The following TENM4 variants were observed in gnomAD, a reference collection of about 807,000 sequenced individuals.
TENM4 encodes teneurin transmembrane protein 4.
TENM4 carries 82 observed loss-of-function variants against 243.3 expected under a neutral mutation model. The ratio of observed to expected loss-of-function variants is 0.34; its 90% CI spans 0.28 to 0.40. TENM4 has a LOEUF of 0.40. Ranked by LOEUF, TENM4 falls within the 10% of genes least tolerant of loss-of-function variation. The probability of loss-of-function intolerance (pLI) is 1.00; values close to 1 mark genes in which losing one functional copy is unlikely to be tolerated. For synonymous variants in TENM4, 1,412 were observed against 1,456.3 expected (o/e 0.97, Z 0.69); for missense variants, 3,138 against 3,673.3 (o/e 0.85, Z 3.77).
At chr11:78,713,661 T>C (rs561339472) in intron 25 of TENM4, among the ~76,000 whole-genome samples, 1 of 152,338 alleles carries the variant, frequency 6.6e-6, no homozygotes, top group Admixed American at 6.5e-5. Flanking sequence ...CTTGCTAGTA[T>C]ATTGGGGAAA....
Position 78,787,135 on chromosome 11 carries a change from G to A in TENM4, c.2180-52C>T, listed in dbSNP as rs1216208905. On this transcript the variant is annotated intron_variant, in intron 15 of 33. Coordinates refer to ENST00000278550, the MANE Select transcript of TENM4 (RefSeq NM_001098816.3). ...GACACCAGGGCCAGGATGGGAGGCAGTGGCCAGAGGGGCAGGGGAGAGAGG... is the reference window on the plus strand; with the variant it reads ...GACACCAGGGCCAGGATGGGAGGCAATGGCCAGAGGGGCAGGGGAGAGAGG... The A allele has an allele frequency of 4.7e-6, 7 of 1,495,328 alleles. No homozygotes were observed. The African/African-American group carries it at 5.6e-5, about 12-fold the overall frequency. The allele number at this position is 1,495,328 out of a possible 1,614,324, so 92.6% of individuals were successfully genotyped here. A position where few individuals can be genotyped will look rare whatever the true frequency, so the allele number is the denominator to read the frequency against.
chr11:79,418,055 C>T (rs1382814932), intron 1 of TENM4, among the ~76,000 whole-genome samples: 1 of 152,154 alleles, frequency 6.6e-6, no homozygotes, highest in African/African-American at 2.4e-5. Context: ...GATTGTCTGT[C>T]TCCTCGCACT....
At chr11:78,663,093 G>C (rs927252017) in intron 32 of TENM4, among the ~76,000 whole-genome samples, 4 of 152,198 alleles carry the variant, frequency 2.6e-5, no homozygotes, top group Non-Finnish European at 5.9e-5. Flanking sequence ...CAGATGGCAG[G>C]GGGAGGTGAA....
At chr11:78,719,464 G>A (rs1385580326) in intron 25 of TENM4, among the ~76,000 whole-genome samples, 1 of 152,138 alleles carries the variant, frequency 6.6e-6, no homozygotes, top group Non-Finnish European at 1.5e-5. Flanking sequence ...TACTTCAATT[G>A]AAAGAGATAG....
intron 1 of TENM4, among the ~76,000 whole-genome samples, chr11:79,420,901 T>C (rs562087463): frequency 2.6e-5 from 4 of 152,282 alleles, no homozygotes; most frequent in African/African-American, 7.2e-5. Context: ...GGGATGATAC[T>C]TCAACTTCCA....
intron 27 of TENM4, among the ~76,000 whole-genome samples, chr11:78,703,822 G>T (rs1262179879): frequency 6.6e-6 from 1 of 151,876 alleles, no homozygotes; most frequent in Non-Finnish European, 1.5e-5. Context: ...GTGCGCTTAA[G>T]CAAGTGTATA....
Position 78,661,574 on chromosome 11 carries a change from G to A in TENM4, c.7426C>T (p.Leu2476Phe). 1 of 1,613,378 alleles carries A rather than the reference G, an allele frequency of 6.2e-7. No individual in the cohort carries two copies. The highest frequency in any genetic ancestry group is 1.6e-4 in the Middle Eastern group (1 of 6,062). ...TTGTGTAGCTGGAATCCAAAGGTGA[G>A]CAGCCAGCTGTTAACATCTGGATGG... ...CFMTDVNSWL[L>F]TFGFQLHNVI... The change falls in exon 33 of 34, where the codon CTC becomes TTC. Residue 2476 changes from leucine to phenylalanine, a missense_variant. By Grantham distance (22) the Leu-to-Phe change is conservative. Around this residue, in one of 2 missense-constraint regions of TENM4, gnomAD observed 2,467 missense variants for 3,059.1 expected, o/e 0.81. Transcript: ENST00000278550.
intron 1 of TENM4, among the ~76,000 whole-genome samples, chr11:79,390,857 T>C (rs1026808415): frequency 1.1e-4 from 16 of 152,336 alleles, no homozygotes; most frequent in Admixed American, 2.6e-4. Flanking sequence ...CTCTACTTTA[T>C]ATAGTTATTT....
chr11:79,292,224 A>T (rs1039795773), intron 2 of TENM4, among the ~76,000 whole-genome samples: 3 of 152,134 alleles, frequency 2.0e-5, no homozygotes, highest in African/African-American at 7.2e-5. Flanking sequence ...TAGAAGCAAA[A>T]GCCCTCCCTT....
intron 1 of TENM4, among the ~76,000 whole-genome samples, chr11:79,321,568 A>C (rs1302617756): frequency 6.6e-6 from 1 of 151,230 alleles, no homozygotes; most frequent in African/African-American, 2.4e-5. Flanking sequence ...TACCAGAGGA[A>C]GCAGGCGATC....
At chr11:79,243,091 G>T (rs1172651174) in intron 2 of TENM4, among the ~76,000 whole-genome samples, 1 of 152,134 alleles carries the variant, frequency 6.6e-6, no homozygotes. Flanking sequence ...CCTTGTCTGG[G>T]GCTCCACTTT....
chr11:78,889,684 C>T, intron 9 of TENM4, 101 bp downstream of exon 9: 3 of 1,293,364 alleles, frequency 2.3e-6, no homozygotes, highest in Middle Eastern at 2.4e-4. Context: ...GCGTGCTTTG[C>T]CTGCCATGCT....
At chr11:79,381,673 C>T (rs958420428) in intron 1 of TENM4, among the ~76,000 whole-genome samples, 12 of 151,158 alleles carry the variant, frequency 7.9e-5, no homozygotes, top group South Asian at 2.1e-4. Context: ...CTGTGATATC[C>T]GACGTTCACT....
intron 29 of TENM4, among the ~76,000 whole-genome samples, chr11:78,677,087 C>T (rs1858497183): frequency 6.6e-6 from 1 of 152,104 alleles, no homozygotes; most frequent in African/African-American, 2.4e-5. Context: ...TATAAATATA[C>T]TAAAAGCCAC....
chr11:79,020,554 TC>T (rs1858899764), intron 6 of TENM4, among the ~76,000 whole-genome samples: 1 of 152,112 alleles, frequency 6.6e-6, no homozygotes, highest in Non-Finnish European at 1.5e-5. Context: ...CTCTAATTCC[TC>T]CTTCCCATCC....
intron 6 of TENM4, among the ~76,000 whole-genome samples, chr11:79,055,926 G>A (rs1859932134): frequency 6.6e-6 from 1 of 152,172 alleles, no homozygotes; most frequent in South Asian, 2.1e-4. Flanking sequence ...AGTCACACTA[G>A]GACTAGTGAC....
At chr11:78,986,858 G>A (rs1441835152) in intron 6 of TENM4, among the ~76,000 whole-genome samples, 1 of 152,206 alleles carries the variant, frequency 6.6e-6, no homozygotes, top group African/African-American at 2.4e-5. Flanking sequence ...GCAGGCGTGA[G>A]TGACCCCACT....
At chr11:78,864,295 G>C (rs1053840557) in intron 9 of TENM4, among the ~76,000 whole-genome samples, 1 of 151,214 alleles carries the variant, frequency 6.6e-6, no homozygotes, top group African/African-American at 2.4e-5. Flanking sequence ...TTAGCCGGGC[G>C]TAGTGGCGGG....
Position 78,658,459 on chromosome 11 carries a change from C to A in TENM4, c.7909G>T (p.Gly2637Trp). The A allele has an allele frequency of 6.2e-7, 1 of 1,614,058 alleles. No individual in the cohort carries two copies. The highest frequency in any genetic ancestry group is 8.5e-7 in the Non-Finnish European group (1 of 1,179,902). The part of the protein sequence containing the change: ...GDLAILGLSG[G>W]RRTLENGVNV... Reference sequence around the variant, plus strand: ...ACCCCATTCTCCAGGGTTCGCCGCCCCCCACTGAGGCCCAGGATGGCCAGG... The same window carrying A: ...ACCCCATTCTCCAGGGTTCGCCGCCACCCACTGAGGCCCAGGATGGCCAGG... Residue 2637 changes from glycine to tryptophan, a missense_variant, in exon 34 of 34, where the codon GGG (glycine) becomes TGG (tryptophan). Physicochemically the swap from Gly to Trp is radical, Grantham distance 184 (BLOSUM62 -2). Coordinates refer to ENST00000278550, the MANE Select transcript of TENM4 (RefSeq NM_001098816.3).
Sources: allele counts gnomAD v4.1 joint callset (sites outside exome capture counted in the v4.1 genomes callset), GRCh38; gene constraint gnomAD v4.1.1; regional missense constraint gnomAD v4.1.1; transcripts MANE v1.5; gene names NCBI Gene and HGNC (gene_info 2026-07-23, HGNC 2026-07-21).